KIAA1549L: variants seen among roughly 807,000 people sequenced by gnomAD.
The protein encoded by KIAA1549L is UPF0606 protein KIAA1549L.
A neutral mutation model predicts 160.7 loss-of-function variants in KIAA1549L; 88 were observed. The observed-to-expected ratio is 0.55, with a 90% CI of 0.46 to 0.65. KIAA1549L has a LOEUF of 0.65. Among genes scored for constraint, KIAA1549L ranks in the 30% least tolerant of loss-of-function variants. The pLI, the probability that KIAA1549L is intolerant of heterozygous loss-of-function variation, is 0.00. For synonymous variants in KIAA1549L, 950 were observed against 976.7 expected (o/e 0.97, Z 0.51); for missense variants, 2,258 against 2,437.5 (o/e 0.93, Z 1.55).
At chr11:33,453,247 A>T (rs1188680129) in intron 1 of KIAA1549L, among the ~76,000 whole-genome samples, 3 of 152,226 alleles carry the variant, frequency 2.0e-5, no homozygotes, top group African/African-American at 7.2e-5. Flanking sequence ...TGAAAAGAAC[A>T]TCTGTAGGGA....
rs953907832 is a variant in KIAA1549L at position 33,544,937 on chromosome 11, G to C, written c.2944G>C (p.Ala982Pro). 6.2e-7 allele frequency: 1 copy of C among 1,613,510 alleles called. No individual in the cohort carries two copies. The highest frequency in any genetic ancestry group is 2.2e-5 in the East Asian group (1 of 44,850). Residue 982 changes from alanine to proline, a missense_variant, in exon 3 of 21, where the codon GCT becomes CCT. Around this residue, in one of 6 missense-constraint regions of KIAA1549L, gnomAD observed 1,359 missense variants for 1,546.6 expected, o/e 0.88. Coordinates refer to ENST00000658780, the MANE Select transcript of KIAA1549L (RefSeq NM_012194.3). ...PAKSSSMTTL[A>P]KNVTNKAASG... ...TAAGAGCAGTTCGATGACTACTCTT[G>C]CTAAAAATGTCACAAACAAGGCCGC...
At chr11:33,424,783 A>G (rs1424949210) in intron 1 of KIAA1549L, among the ~76,000 whole-genome samples, 2 of 152,224 alleles carry the variant, frequency 1.3e-5, no homozygotes, top group Non-Finnish European at 2.9e-5. Context: ...AATACAGAGT[A>G]TTGAAATATA....
rs201551936 is a variant in KIAA1549L at position 33,440,120 on chromosome 11, C to CTTTTTTTT, written c.238+63251_238+63258dup. On this transcript the variant is annotated intron_variant, in intron 1 of 20. Coordinates refer to ENST00000658780, the MANE Select transcript of KIAA1549L (RefSeq NM_012194.3). ...GGTTATTTCCTCACCTATTTTGTTT[C>CTTTTTTTT]TTTTTTTTTTTTTTTTTTTTTTTTT... Among the ~76,000 whole-genome samples the CTTTTTTTT allele has an allele frequency of 1.4e-3, 119 of 83,406 alleles. 13 individuals are homozygous for CTTTTTTTT. Among genetic ancestry groups the CTTTTTTTT allele is most frequent in the South Asian group, 3.8e-3 (8 of 2,110 alleles). The allele number at this position is 83,406 out of a possible 152,430, so 54.7% of individuals were successfully genotyped here. A position where few individuals can be genotyped will look rare whatever the true frequency, so the allele number is the denominator to read the frequency against.
rs1033964030 is a variant in KIAA1549L, at chr11:33,668,794, C to CAAA, written c.*642_*643insAAA. 6.6e-6 allele frequency: 1 copy of CAAA among 151,994 alleles called. No individual in the cohort carries two copies. The highest frequency in any genetic ancestry group is 2.4e-5 in the African/African-American group (1 of 41,372). The allele number at this position is 151,994 out of a possible 1,614,324, so 9.4% of individuals were successfully genotyped here. A position where few individuals can be genotyped will look rare whatever the true frequency, so the allele number is the denominator to read the frequency against. On this transcript the variant is annotated 3_prime_UTR_variant, in exon 21 of 21. Coordinates refer to ENST00000658780, the MANE Select transcript of KIAA1549L (RefSeq NM_012194.3). ...TTTCCCTCGTCAATTAAACAAAGGC[C>CAAA]AAGAAAGAGAGAAGATGAGAGGGAA...
intron 1 of KIAA1549L, among the ~76,000 whole-genome samples, chr11:33,397,882 G>T (rs1850418340): frequency 6.8e-6 from 1 of 146,582 alleles, no homozygotes; most frequent in Non-Finnish European, 1.5e-5. Context: ...TTTAAATCAG[G>T]TTGGAACACT....
chr11:33,642,683 G>T (rs999394660), intron 16 of KIAA1549L, among the ~76,000 whole-genome samples: 2 of 142,594 alleles, frequency 1.4e-5, no homozygotes. Context: ...GGTGGAGCAG[G>T]TAATCGGAAT....
chr11:33,491,559 C>T (rs192140293), intron 1 of KIAA1549L, among the ~76,000 whole-genome samples: 4 of 152,084 alleles, frequency 2.6e-5, no homozygotes, highest in Non-Finnish European at 4.4e-5. Flanking sequence ...CCTGTATGTA[C>T]CAGGTTTTGA....
intron 1 of KIAA1549L, among the ~76,000 whole-genome samples, chr11:33,452,751 C>T (rs1349046423): frequency 6.6e-6 from 1 of 152,172 alleles, no homozygotes; most frequent in African/African-American, 2.4e-5. Context: ...CTCCATAGTT[C>T]AGCCTGTCAG....
intron 1 of KIAA1549L, among the ~76,000 whole-genome samples, chr11:33,464,254 A>G (rs1851998274): frequency 6.6e-6 from 1 of 152,170 alleles, no homozygotes; most frequent in Admixed American, 6.5e-5. Flanking sequence ...TCATTTGTTA[A>G]TTTATAACTT....
intron 17 of KIAA1549L, among the ~76,000 whole-genome samples, chr11:33,649,968 C>T (rs563784781): frequency 5.3e-5 from 8 of 152,212 alleles, no homozygotes; most frequent in Admixed American, 2.0e-4. Context: ...TGGCCCAGGG[C>T]GTGAGAGATT....
intron 1 of KIAA1549L, among the ~76,000 whole-genome samples, chr11:33,437,956 C>G (rs977021597): frequency 6.6e-6 from 1 of 152,194 alleles, no homozygotes; most frequent in African/African-American, 2.4e-5. Flanking sequence ...TGAATCTGGT[C>G]TGCCTGGTTG....
intron 9 of KIAA1549L, among the ~76,000 whole-genome samples, chr11:33,571,324 A>G (rs1456895922): frequency 6.6e-6 from 1 of 152,214 alleles, no homozygotes; most frequent in African/African-American, 2.4e-5. Context: ...AAAGAAATTC[A>G]TCTTGAGGAC....
intron 15 of KIAA1549L, among the ~76,000 whole-genome samples, chr11:33,614,431 C>G (rs957342295): frequency 1.3e-5 from 2 of 149,146 alleles, no homozygotes; most frequent in South Asian, 4.3e-4. Context: ...TCAGGACAGC[C>G]CTTGTGCCCC....
chr11:33,410,756 A>C (rs1244169666), intron 1 of KIAA1549L, among the ~76,000 whole-genome samples: 1 of 152,220 alleles, frequency 6.6e-6, no homozygotes, highest in African/African-American at 2.4e-5. Flanking sequence ...ATTTGGATCT[A>C]TGGAGAAGGG....
intron 1 of KIAA1549L, among the ~76,000 whole-genome samples, chr11:33,530,436 AAT>A (rs869093534): frequency 0.012 from 140 of 11,846 alleles, no homozygotes; most frequent in South Asian, 0.024. Context: ...AAAAAAAAAA[AAT>A]ATATATATAT....
At chr11:33,455,796 AT>A (rs1851810182) in intron 1 of KIAA1549L, among the ~76,000 whole-genome samples, 1 of 152,228 alleles carries the variant, frequency 6.6e-6, no homozygotes, top group Non-Finnish European at 1.5e-5. Context: ...TGAAGTACTT[AT>A]CTGTATTTTT....
chr11:33,400,816 A>G (rs1249687618), intron 1 of KIAA1549L, among the ~76,000 whole-genome samples: 2 of 152,202 alleles, frequency 1.3e-5, no homozygotes, highest in Non-Finnish European at 2.9e-5. Flanking sequence ...TGAGATGCTT[A>G]TATGGCATTT....
intron 1 of KIAA1549L, among the ~76,000 whole-genome samples, chr11:33,378,431 C>T (rs1850000059): frequency 6.6e-6 from 1 of 152,186 alleles, no homozygotes; most frequent in African/African-American, 2.4e-5. Context: ...CTCTTTCAGA[C>T]CGCCAGAGCC....
At chr11:33,586,228 GC>G (rs1849869263) in intron 11 of KIAA1549L, among the ~76,000 whole-genome samples, 1 of 152,212 alleles carries the variant, frequency 6.6e-6, no homozygotes, top group Non-Finnish European at 1.5e-5. Context: ...TACAATTCAG[GC>G]TACAGTGCCA....
Sources: allele counts gnomAD v4.1 joint callset (sites outside exome capture counted in the v4.1 genomes callset), GRCh38; gene constraint gnomAD v4.1.1; regional missense constraint gnomAD v4.1.1; transcripts MANE v1.5; gene names NCBI Gene and HGNC (gene_info 2026-07-23, HGNC 2026-07-21).